The following RALGPS1 variants were observed in gnomAD, a reference collection of about 807,000 sequenced individuals.
RALGPS1 encodes Ral GEF with PH domain and SH3 binding motif 1.
A neutral mutation model predicts 78.8 loss-of-function variants in RALGPS1; 19 were observed. That is an observed-to-expected ratio of 0.24 (90% confidence interval 0.17 to 0.35). The LOEUF is 0.35. Ranked by LOEUF, RALGPS1 falls within the 10% of genes least tolerant of loss-of-function variation. The probability of loss-of-function intolerance (pLI) is 1.00; values close to 1 mark genes in which losing one functional copy is unlikely to be tolerated. For synonymous variants in RALGPS1, 228 were observed against 256.3 expected (o/e 0.89, Z 1.06); for missense variants, 454 against 688.3 (o/e 0.66, Z 3.81).
intron 1 of RALGPS1, among the ~76,000 whole-genome samples, chr9:126,949,125 C>G (rs1283994799): frequency 6.6e-6 from 1 of 152,156 alleles, no homozygotes; most frequent in Non-Finnish European, 1.5e-5. Flanking sequence ...ATCCATGTCC[C>G]TACAAAGGAC....
chr9:127,093,615 A>G (rs2052748864), intron 8 of RALGPS1: 3 of 1,272,252 alleles, frequency 2.4e-6, no homozygotes, highest in Non-Finnish European at 3.3e-6. Flanking sequence ...GGGGCCGCAC[A>G]GGCCTGGGCT....
chr9:127,209,653 A>G (rs777168849), intron 14 of RALGPS1, among the ~76,000 whole-genome samples: 4 of 152,172 alleles, frequency 2.6e-5, no homozygotes, highest in Non-Finnish European at 4.4e-5. Context: ...CCAGCTAACC[A>G]TCAGACTCCC....
chr9:126,979,367 A>G (rs2041013690), intron 4 of RALGPS1, among the ~76,000 whole-genome samples: 1 of 151,664 alleles, frequency 6.6e-6, no homozygotes, highest in East Asian at 1.9e-4. Context: ...GTTTTGTTCT[A>G]ATGTGGTATG....
intron 5 of RALGPS1, among the ~76,000 whole-genome samples, chr9:127,044,561 CTT>C (rs955614810): frequency 6.6e-6 from 1 of 151,974 alleles, no homozygotes; most frequent in Non-Finnish European, 1.5e-5. Context: ...CGGCCCGAAT[CTT>C]TTTTTTAAAA....
chr9:126,978,545 GT>G (rs2040907140), intron 4 of RALGPS1, among the ~76,000 whole-genome samples: 1 of 150,720 alleles, frequency 6.6e-6, no homozygotes, highest in South Asian at 2.1e-4. Flanking sequence ...GGAGGTGAAG[GT>G]TGCAGTGAGC....
intron 11 of RALGPS1, among the ~76,000 whole-genome samples, chr9:127,191,966 G>A (rs919975240): frequency 6.6e-6 from 1 of 152,118 alleles, no homozygotes; most frequent in Non-Finnish European, 1.5e-5. Flanking sequence ...CAAAGTGCTG[G>A]GATTAGAGGC....
At chr9:127,024,036 C>CAAAAAAAAAA (rs61549879) in intron 4 of RALGPS1, among the ~76,000 whole-genome samples, 1,280 of 71,340 alleles carry the variant, frequency 0.018, 155 homozygotes, top group East Asian at 0.13. Flanking sequence ...GACTCTGTCT[C>CAAAAAAAAAA]AAAAAAAAAA....
intron 8 of RALGPS1, among the ~76,000 whole-genome samples, chr9:127,096,357 G>T (rs1433560351): frequency 6.6e-6 from 1 of 152,274 alleles, no homozygotes; most frequent in South Asian, 2.1e-4. Context: ...CACAGGAGAG[G>T]CCGTTCGATG....
chr9:126,917,958 A>G (rs1163025717), intron 1 of RALGPS1, among the ~76,000 whole-genome samples: 2 of 151,942 alleles, frequency 1.3e-5, no homozygotes, highest in East Asian at 1.9e-4. Context: ...GAAACTAATG[A>G]CCTCTTGTTT....
rs1356136404 is a variant in RALGPS1, at chr9:127,122,625, A to C, written c.611-43444A>C. ...GGTCCATCCTCAGGCCGTCCGCAGC[A>C]GCCTCATTTGAACTCCCAACTCCTT... On this transcript the variant is annotated intron_variant, in intron 8 of 18. Coordinates refer to ENST00000259351, the MANE Select transcript of RALGPS1 (RefSeq NM_014636.3). This position sits in a 1 kb window ranked among gnomAD's most constrained non-coding sequence, Gnocchi z 6.4. 1 of 152,700 alleles carries C rather than the reference A, an allele frequency of 6.5e-6. No homozygotes were observed. The highest frequency in any genetic ancestry group is 1.9e-4 in the East Asian group (1 of 5,210). The allele number at this position is 152,700 out of a possible 1,614,324, so 9.5% of individuals were successfully genotyped here. A position where few individuals can be genotyped will look rare whatever the true frequency, so the allele number is the denominator to read the frequency against.
rs566516190 is a variant in RALGPS1, at chr9:127,071,128, A to G, written c.610+1772A>G. Among the ~76,000 whole-genome samples the G allele has an allele frequency of 2.6e-3, 370 of 143,224 alleles. 3 individuals carry two copies. Among genetic ancestry groups the G allele is most frequent in the African/African-American group, 8.7e-3 (349 of 39,890 alleles). 94.0% of individuals were successfully genotyped at this position (143,224 alleles called of 152,430 possible). A position where few individuals can be genotyped will look rare whatever the true frequency, so the allele number is the denominator to read the frequency against. On this transcript the variant is annotated intron_variant, in intron 8 of 18. Transcript: ENST00000259351. ...CTAAAGCAAACATATATATATATAT[A>G]TATGGTTATATTTGCTTTAGTATTT...
At chr9:127,111,999 T>TG (rs2054863380) in intron 8 of RALGPS1, among the ~76,000 whole-genome samples, 1 of 152,238 alleles carries the variant, frequency 6.6e-6, no homozygotes, top group African/African-American at 2.4e-5. Context: ...TGAACCCCTT[T>TG]GGGGGCTTCT....
chr9:126,977,816 T>TA (rs1312498879), intron 4 of RALGPS1, 71 bp downstream of exon 4: 16 of 1,127,330 alleles, frequency 1.4e-5, no homozygotes, highest in African/African-American at 6.4e-5. Flanking sequence ...CAGCCACTGT[T>TA]AGAGTGTCTC....
At chr9:127,073,705 A>G (rs1453055913) in intron 8 of RALGPS1, among the ~76,000 whole-genome samples, 1 of 152,126 alleles carries the variant, frequency 6.6e-6, no homozygotes, top group Non-Finnish European at 1.5e-5. Context: ...ACTAACATAC[A>G]TTCCCACCAA....
intron 10 of RALGPS1, among the ~76,000 whole-genome samples, chr9:127,174,197 G>A (rs991266685): frequency 3.3e-5 from 5 of 150,230 alleles, no homozygotes; most frequent in Non-Finnish European, 7.4e-5. Context: ...CCAGCCTGGC[G>A]ACAGAGCAAG....
intron 8 of RALGPS1, chr9:127,070,000 A>G (rs975229305): frequency 3.3e-5 from 5 of 152,156 alleles, no homozygotes; most frequent in Non-Finnish European, 7.3e-5. Context: ...TCTGCTCTCC[A>G]ATATTGACCA....
rs1250429878 is a variant in RALGPS1 at position 127,064,615 on chromosome 9, TAC to T, written c.484-4613_484-4612del. Among the ~76,000 whole-genome samples the T allele has an allele frequency of 3.9e-5, 6 of 152,336 alleles. No individual in the cohort carries two copies. In the South Asian group the frequency reaches 8.3e-4, roughly 21 times the overall value. ...CATATACTTACCAATGTGCTTTTGC[TAC>T]AGTTTCTTGACCCATCTGCTTTAGA... On this transcript the variant is annotated intron_variant, in intron 7 of 18. Coordinates refer to ENST00000259351, the MANE Select transcript of RALGPS1 (RefSeq NM_014636.3).
At chr9:126,950,826 T>G (rs1480454290) in intron 1 of RALGPS1, among the ~76,000 whole-genome samples, 1 of 144,090 alleles carries the variant, frequency 6.9e-6, no homozygotes, top group African/African-American at 2.6e-5. Flanking sequence ...AGAGCAGAAC[T>G]GAAGGAAATA....
At chr9:127,061,910 C>T (rs2049246469) in intron 7 of RALGPS1, among the ~76,000 whole-genome samples, 1 of 152,118 alleles carries the variant, frequency 6.6e-6, no homozygotes, top group African/African-American at 2.4e-5. Flanking sequence ...CTCAACCTCC[C>T]AGCTCTCTAC....
Sources: gnomAD v4.1 joint callset for allele counts (sites outside exome capture counted in the v4.1 genomes callset) on GRCh38, gnomAD v4.1.1 for gene constraint, Gnocchi (gnomAD v3.1) non-coding constraint, MANE v1.5 for transcripts, NCBI Gene and HGNC (gene_info 2026-07-23, HGNC 2026-07-21) for gene names.